The following TMEM132C variants were observed in gnomAD, a reference collection of about 807,000 sequenced individuals.
TMEM132C encodes the protein transmembrane protein 132C, also known as protein phosphatase 1, regulatory subunit 152.
Under a neutral mutation model 61.4 loss-of-function variants are expected in TMEM132C, and 29 were observed. The ratio of observed to expected loss-of-function variants is 0.47; its 90% CI spans 0.35 to 0.64. TMEM132C has a LOEUF of 0.64. TMEM132C is among the 30% of genes least tolerant of loss of function. The pLI is 0.00. For synonymous variants in TMEM132C, 656 were observed against 633.1 expected (o/e 1.04, Z -0.54); for missense variants, 1,408 against 1,476.9 (o/e 0.95, Z 0.76).
intron 1 of TMEM132C, among the ~76,000 whole-genome samples, chr12:128,364,903 T>C (rs1470005073): frequency 6.6e-6 from 1 of 152,258 alleles, no homozygotes; most frequent in Non-Finnish European, 1.5e-5. Context: ...GGCTCCCATC[T>C]GGAGAGTCCC....
At chr12:128,290,814 A>AATAGATTCACT (rs1373756550) in intron 1 of TMEM132C, among the ~76,000 whole-genome samples, 1 of 151,940 alleles carries the variant, frequency 6.6e-6, no homozygotes, top group Non-Finnish European at 1.5e-5. Context: ...AAGAACAACA[A>AATAGATTCACT]ATAGATTCAC....
chr12:128,540,504 G>A (rs893639358), intron 2 of TMEM132C, among the ~76,000 whole-genome samples: 3 of 152,016 alleles, frequency 2.0e-5, no homozygotes, highest in African/African-American at 4.8e-5. Flanking sequence ...TGCCTACCTC[G>A]GCCTCCCAAA....
At chr12:128,504,968 T>TTTACTCACTACTTTACGTAGTAAGTAAGA (rs1872308172) in intron 2 of TMEM132C, among the ~76,000 whole-genome samples, 1 of 150,424 alleles carries the variant, frequency 6.6e-6, no homozygotes, top group African/African-American at 2.4e-5. Flanking sequence ...TTTTGGGGAC[T>TTTACTCACTACTTTACGTAGTAAGTAAGA]TTACTTACTA....
intron 3 of TMEM132C, among the ~76,000 whole-genome samples, chr12:128,577,468 C>T (rs1875155579): frequency 6.6e-6 from 1 of 152,162 alleles, no homozygotes; most frequent in African/African-American, 2.4e-5. Context: ...TTCCCCAAGC[C>T]CCGGTGACAC....
At chr12:128,432,581 A>C (rs534391115) in intron 2 of TMEM132C, among the ~76,000 whole-genome samples, 2 of 152,354 alleles carry the variant, frequency 1.3e-5, no homozygotes, top group East Asian at 3.9e-4. Context: ...TCAGAAGTGG[A>C]GCCTGAAGAT....
chr12:128,377,444 T>C (rs1268816005), intron 1 of TMEM132C, among the ~76,000 whole-genome samples: 1 of 152,220 alleles, frequency 6.6e-6, no homozygotes, highest in Non-Finnish European at 1.5e-5. Context: ...GGGATTCTAT[T>C]GCACCACTGT....
chr12:128,293,425 C>T (rs1593000277), intron 1 of TMEM132C, among the ~76,000 whole-genome samples: 2 of 152,244 alleles, frequency 1.3e-5, no homozygotes, highest in East Asian at 3.9e-4. Flanking sequence ...ACACACCACC[C>T]ATCGGGAGGC....
chr12:128,327,621 G>A (rs1336665317), intron 1 of TMEM132C, among the ~76,000 whole-genome samples: 1 of 152,092 alleles, frequency 6.6e-6, no homozygotes, highest in Non-Finnish European at 1.5e-5. Flanking sequence ...CTGACCTCGT[G>A]ATCTGCCCAC....
chr12:128,284,648 G>A (rs913114930), intron 1 of TMEM132C, among the ~76,000 whole-genome samples: 2 of 152,118 alleles, frequency 1.3e-5, no homozygotes, highest in Non-Finnish European at 1.5e-5. Flanking sequence ...TAGACTTCCC[G>A]TGTAACTCTA....
chr12:128,513,690 T>C (rs942194920), intron 2 of TMEM132C, among the ~76,000 whole-genome samples: 2 of 152,208 alleles, frequency 1.3e-5, no homozygotes, highest in Admixed American at 6.5e-5. Flanking sequence ...ATGTCAGGTA[T>C]AAAAATGAGA....
intron 1 of TMEM132C, among the ~76,000 whole-genome samples, chr12:128,372,512 T>C (rs1467114344): frequency 6.6e-6 from 1 of 152,198 alleles, no homozygotes; most frequent in Non-Finnish European, 1.5e-5. Flanking sequence ...ATATAATATA[T>C]AGAAGTGGTC....
intron 1 of TMEM132C, among the ~76,000 whole-genome samples, chr12:128,409,006 C>A (rs1182145059): frequency 3.3e-5 from 5 of 152,100 alleles, no homozygotes; most frequent in Non-Finnish European, 7.3e-5. Flanking sequence ...GGAGAGAGAG[C>A]AACTCCCGTC....
chr12:128,342,811 G>A (rs1873020357), intron 1 of TMEM132C, among the ~76,000 whole-genome samples: 1 of 152,190 alleles, frequency 6.6e-6, no homozygotes, highest in Non-Finnish European at 1.5e-5. Flanking sequence ...TTTCCTATTA[G>A]TGGGCAGAGC....
chr12:128,648,254 T>C (rs540163972), intron 4 of TMEM132C, among the ~76,000 whole-genome samples: 1 of 152,082 alleles, frequency 6.6e-6, no homozygotes, highest in Non-Finnish European at 1.5e-5. Context: ...TGTGGGTGTG[T>C]TTACTGGAGT....
chr12:128,615,000 G>A (rs888894792), intron 3 of TMEM132C, among the ~76,000 whole-genome samples: 7 of 152,150 alleles, frequency 4.6e-5, no homozygotes, highest in Admixed American at 2.0e-4. Flanking sequence ...GGAGAACCAG[G>A]GCCACTGTGC....
chr12:128,377,308 C>G (rs1874223337), intron 1 of TMEM132C, among the ~76,000 whole-genome samples: 1 of 152,164 alleles, frequency 6.6e-6, no homozygotes, highest in Non-Finnish European at 1.5e-5. Flanking sequence ...CTGCCTTGGC[C>G]TCCCAAAGGG....
chr12:128,611,790 G>C (rs1429180155), intron 3 of TMEM132C, among the ~76,000 whole-genome samples: 1 of 152,292 alleles, frequency 6.6e-6, no homozygotes, highest in East Asian at 1.9e-4. Flanking sequence ...TAGATTCCCA[G>C]CTTCTCTAGG....
chr12:128,436,703 G>T (rs952445966), intron 2 of TMEM132C, among the ~76,000 whole-genome samples: 1 of 152,212 alleles, frequency 6.6e-6, no homozygotes, highest in African/African-American at 2.4e-5. Flanking sequence ...TGGTGGGAGT[G>T]TAAACTAGTT....
rs183574435 is a variant in TMEM132C, at chr12:128,662,714, A to C, written c.1306-6703A>C. Among the ~76,000 whole-genome samples, 6 of 152,248 alleles carry C rather than the reference A, an allele frequency of 3.9e-5. No individual in the cohort carries two copies. The East Asian group carries it at 9.6e-4, about 24-fold the overall frequency. On this transcript the variant is annotated intron_variant, in intron 4 of 8. Coordinates refer to ENST00000435159, the MANE Select transcript of TMEM132C (RefSeq NM_001136103.3). ...TGAGAATAGTAGCAACACCTAGCAC[A>C]TGCCAAGAGCTCCTCAAATGTGACT...
Sources: gnomAD v4.1 joint callset for allele counts (sites outside exome capture counted in the v4.1 genomes callset) on GRCh38, gnomAD v4.1.1 for gene constraint, MANE v1.5 for transcripts, NCBI Gene and HGNC (gene_info 2026-07-23, HGNC 2026-07-21) for gene names.